The following JPH3 variants were observed in gnomAD, a reference collection of about 807,000 sequenced individuals.
JPH3 encodes the protein junctophilin 3.
A neutral mutation model predicts 59.6 loss-of-function variants in JPH3; 11 were observed. The ratio of observed to expected loss-of-function variants is 0.18; its 90% CI spans 0.12 to 0.31. The LOEUF (loss-of-function observed/expected upper bound fraction) is 0.31, where lower values mean the gene tolerates loss of function less well. JPH3 is among the 10% of genes least tolerant of loss of function. The pLI is 1.00. For missense variants in JPH3, 1,202 were observed against 1,105.7 expected, an observed-to-expected ratio of 1.09 and a Z score of -1.24; for synonymous variants, 673 against 483.6, an observed-to-expected ratio of 1.39 and a Z score of -5.14.
At chr16:87,650,279 G>C (rs1231844425) in intron 2 of JPH3, among the ~76,000 whole-genome samples, 1 of 152,148 alleles carries the variant, frequency 6.6e-6, no homozygotes, top group African/African-American at 2.4e-5. Flanking sequence ...TACTAGTGTG[G>C]TTATTTTGGG....
rs1456498510 is a variant in JPH3 at position 87,602,689 on chromosome 16, G to T, written c.-458G>T. On this transcript the variant is annotated 5_prime_UTR_variant, in exon 1 of 5. Transcript: ENST00000284262. Reference sequence around the variant, plus strand: ...GCCGCCGCCCGCGGGCCCCGCCGCCGCCCTCGGGCGCCCGCAGCGCGGCAG... The same window carrying T: ...GCCGCCGCCCGCGGGCCCCGCCGCCTCCCTCGGGCGCCCGCAGCGCGGCAG... 2.0e-5 allele frequency among the ~76,000 whole-genome samples: 2 copies of T among 102,092 alleles called. No individual in the cohort carries two copies. The highest frequency in any genetic ancestry group is 4.0e-5 in the Non-Finnish European group (2 of 49,606). The allele number at this position is 102,092 out of a possible 152,430, so 67.0% of individuals were successfully genotyped here.
chr16:87,611,873 G>C lies in JPH3; in HGVS notation c.382+8345G>C, dbSNP rs547022616. On this transcript the variant is annotated intron_variant, in intron 1 of 4. Coordinates refer to ENST00000284262, the MANE Select transcript of JPH3 (RefSeq NM_020655.4). The surrounding 1 kb of genome is among the most constrained non-coding windows in gnomAD (Gnocchi z 4.5). ...CTCCTAAGCCTGGCTACACATTCGA[G>C]TCACTAAGAATGTCCCTGGGAGACG... Among the ~76,000 whole-genome samples the C allele has an allele frequency of 6.6e-6, 1 of 152,222 alleles. No individual in the cohort carries two copies. Among genetic ancestry groups the C allele is most frequent in the African/African-American group, 2.4e-5 (1 of 41,458 alleles).
At chr16:87,682,633 G>A (rs1201729552) in intron 2 of JPH3, among the ~76,000 whole-genome samples, 6 of 152,224 alleles carry the variant, frequency 3.9e-5, no homozygotes, top group Admixed American at 1.3e-4. Flanking sequence ...TCCAGCCTCC[G>A]GAACTGGGGG....
At chr16:87,648,005 C>T (rs1171319423) in intron 2 of JPH3, among the ~76,000 whole-genome samples, 1 of 152,188 alleles carries the variant, frequency 6.6e-6, no homozygotes, top group Non-Finnish European at 1.5e-5. Context: ...TCCCTGCTCC[C>T]TGTAGTGGCC....
chr16:87,691,482 G>A (rs1045227358), intron 4 of JPH3, among the ~76,000 whole-genome samples: 2 of 152,140 alleles, frequency 1.3e-5, no homozygotes, highest in Non-Finnish European at 2.9e-5. Context: ...CGCAGGGGGC[G>A]CTCAGGGCGT....
chr16:87,616,882 C>T (rs1019052557), intron 1 of JPH3, among the ~76,000 whole-genome samples: 5 of 152,208 alleles, frequency 3.3e-5, no homozygotes, highest in South Asian at 2.1e-4. Context: ...GGCTGGCTTT[C>T]GTCACTCAGC....
intron 1 of JPH3, among the ~76,000 whole-genome samples, chr16:87,605,795 A>G (rs1258756274): frequency 1.3e-5 from 2 of 152,172 alleles, no homozygotes; most frequent in African/African-American, 4.8e-5. Flanking sequence ...TCTGGGACCA[A>G]ACCCCCCTCG....
upstream of JPH3, chr16:87,602,003 GA>G: frequency 6.6e-6 from 1 of 151,996 alleles, no homozygotes; most frequent in East Asian, 2.0e-4. Flanking sequence ...TGTCACCGGA[GA>G]AAACCACCTG....
intron 2 of JPH3, among the ~76,000 whole-genome samples, chr16:87,658,288 G>A (rs1253405798): frequency 6.6e-6 from 1 of 152,144 alleles, no homozygotes; most frequent in Non-Finnish European, 1.5e-5. Context: ...ATTCTGCATT[G>A]TCTGCCTTTG....
In JPH3 at chr16:87,611,944, A is replaced by C. The variant is rs1356321355; in HGVS notation, c.382+8416A>C. Among the ~76,000 whole-genome samples the C allele has an allele frequency of 6.6e-6, 1 of 152,048 alleles. No individual in the cohort carries two copies. Among genetic ancestry groups the C allele is most frequent in the African/African-American group, 2.4e-5 (1 of 41,386 alleles). On this transcript the variant is annotated intron_variant, in intron 1 of 4. Coordinates refer to ENST00000284262, the MANE Select transcript of JPH3 (RefSeq NM_020655.4). The surrounding 1 kb of genome is among the most constrained non-coding windows in gnomAD (Gnocchi z 4.5). ...GGCCTGCCTGACCTCCAGGGTCAGGATGTGTGTTTGGAGATGCTCAGGTGG... is the reference window on the plus strand; with the variant it reads ...GGCCTGCCTGACCTCCAGGGTCAGGCTGTGTGTTTGGAGATGCTCAGGTGG...
intron 1 of JPH3, among the ~76,000 whole-genome samples, chr16:87,615,029 G>A (rs575993961): frequency 1.9e-3 from 287 of 147,342 alleles, no homozygotes; most frequent in African/African-American, 6.7e-3. Flanking sequence ...ACGAGGAGCC[G>A]CGCGTCCCCT....
intron 2 of JPH3, among the ~76,000 whole-genome samples, chr16:87,667,578 G>T (rs1284012762): frequency 6.6e-6 from 1 of 152,198 alleles, no homozygotes; most frequent in Non-Finnish European, 1.5e-5. Context: ...AGCATGACAG[G>T]CAGGGCCTGG....
intron 4 of JPH3, chr16:87,695,893 G>C: frequency 2.2e-6 from 1 of 456,070 alleles, no homozygotes; most frequent in Non-Finnish European, 4.4e-6. Flanking sequence ...GCGGCTGAAG[G>C]GGGAGTCTGG....
At chr16:87,604,442 T>C in intron 1 of JPH3, 2 of 1,380,082 alleles carry the variant, frequency 1.4e-6, no homozygotes, top group Non-Finnish European at 1.9e-6. Flanking sequence ...GGTCCTTTCC[T>C]GGAAGCCAGA....
At position 87,696,642 on chromosome 16, in the gene JPH3, T is replaced by C; in HGVS notation, c.2229T>C (p.Phe743=). 1.2e-6 allele frequency: 2 copies of C among 1,613,372 alleles called. No homozygotes were observed. Among genetic ancestry groups the C allele is most frequent in the Non-Finnish European group, 1.7e-6 (2 of 1,179,694 alleles). Residue 743 remains phenylalanine, a synonymous_variant, in exon 5 of 5, where the codon TTT becomes TTC. Transcript: ENST00000284262. ...TCAACATCGGAGTCGCCATTCTGTT[T>C]ATTAACTTTTTCATCTGATGAGATG... is the stretch of plus-strand genomic sequence containing the variant. ...ILLNIGVAIL[F]INFFI is the part of the protein sequence containing the mutation.
chr16:87,640,950 C>A (rs1013183146), intron 1 of JPH3, among the ~76,000 whole-genome samples: 1 of 152,178 alleles, frequency 6.6e-6, no homozygotes, highest in Non-Finnish European at 1.5e-5. Flanking sequence ...TAAAGGGCCA[C>A]CCCCTGAGAC....
intron 1 of JPH3, among the ~76,000 whole-genome samples, chr16:87,623,233 C>G (rs1406685571): frequency 2.6e-5 from 4 of 152,334 alleles, no homozygotes; most frequent in African/African-American, 9.6e-5. Context: ...CTTTGAGCAT[C>G]CCTCCCCCAA....
At chr16:87,651,522 C>T (rs2032323882) in intron 2 of JPH3, among the ~76,000 whole-genome samples, 4 of 152,132 alleles carry the variant, frequency 2.6e-5, no homozygotes, top group African/African-American at 4.8e-5. Flanking sequence ...TCAAAACATC[C>T]ACATTAACAA....
At chr16:87,681,028 C>T (rs191520939) in intron 2 of JPH3, among the ~76,000 whole-genome samples, 22 of 152,278 alleles carry the variant, frequency 1.4e-4, no homozygotes, top group South Asian at 6.2e-4. Flanking sequence ...TGAAAGACCC[C>T]GTCCTCTCCG....
Sources: allele counts gnomAD v4.1 joint callset (sites outside exome capture counted in the v4.1 genomes callset), GRCh38; gene constraint gnomAD v4.1.1; non-coding constraint Gnocchi (gnomAD v3.1); transcripts MANE v1.5; gene names NCBI Gene and HGNC (gene_info 2026-07-23, HGNC 2026-07-21).